GJD3: variants seen among roughly 807,000 people sequenced by gnomAD.
The protein encoded by GJD3 is gap junction protein delta 3, also known as gap junction delta-3 protein.
For missense variants in GJD3, 421 were observed against 448.5 expected, an observed-to-expected ratio of 0.94 and a Z score of 0.55; for synonymous variants, 217 against 226.7, an observed-to-expected ratio of 0.96 and a Z score of 0.38.
chr17:40,363,169 C>A lies in GJD3; in HGVS notation c.647G>T (p.Gly216Val). Residue 216 changes from glycine to valine, a missense_variant, in exon 1 of 1, where the codon GGC becomes GTC. By Grantham distance (109) the Gly-to-Val change is moderately radical. Coordinates refer to ENST00000578689, the MANE Select transcript of GJD3 (RefSeq NM_152219.4). This position sits in a 1 kb window ranked among gnomAD's most constrained non-coding sequence, Gnocchi z 5.5. Reference sequence around the variant, plus strand: ...GTCACGCTCCCCGGCGCGCGGGCGGCCCTTCCAGAGCAGGTGGCCCAGCTC... The same window carrying A: ...GTCACGCTCCCCGGCGCGCGGGCGGACCTTCCAGAGCAGGTGGCCCAGCTC... Reference protein sequence around the residue: ...VAELGHLLWKGRPRAGERDNR... With the variant: ...VAELGHLLWKVRPRAGERDNR... 1 of 1,427,232 alleles carries A rather than the reference C, an allele frequency of 7.0e-7. No homozygotes were observed. Among genetic ancestry groups the A allele is most frequent in the East Asian group, 3.0e-5 (1 of 32,906 alleles). The allele number at this position is 1,427,232 out of a possible 1,614,324, so 88.4% of individuals were successfully genotyped here.
Position 40,363,217 on chromosome 17 carries a change from A to T in GJD3, c.599T>A (p.Leu200Gln). ...CTCGGCTACGCTGAGCAGCGCCGACAGCAGCCCCACCGCGAAATAGAAGAG... is the reference window on the plus strand; with the variant it reads ...CTCGGCTACGCTGAGCAGCGCCGACTGCAGCCCCACCGCGAAATAGAAGAG... ...FVLFYFAVGL[L>Q]SALLSVAELG... The change falls in exon 1 of 1, where the codon CTG becomes CAG. Residue 200 changes from leucine to glutamine, a missense_variant. By Grantham distance (113) the Leu-to-Gln change is moderately radical. Transcript: ENST00000578689. The surrounding 1 kb of genome is among the most constrained non-coding windows in gnomAD (Gnocchi z 5.5). 1 of 1,447,156 alleles carries T rather than the reference A, an allele frequency of 6.9e-7. No homozygotes were observed. The highest frequency in any genetic ancestry group is 9.1e-7 in the Non-Finnish European group (1 of 1,098,556). 89.6% of individuals were successfully genotyped at this position (1,447,156 alleles called of 1,614,324 possible). A position where few individuals can be genotyped will look rare whatever the true frequency, so the allele number is the denominator to read the frequency against.
At position 40,364,204 on chromosome 17, in the gene GJD3, C is replaced by T; in HGVS notation, c.-389G>A. The T allele has an allele frequency of 5.1e-6, 1 of 197,760 alleles. No homozygotes were observed. The highest frequency in any genetic ancestry group is 1.2e-5 in the Non-Finnish European group (1 of 86,570). 12.3% of individuals were successfully genotyped at this position (197,760 alleles called of 1,614,324 possible). ...CCTGGTTTCGGAAGCGGAAACCCAG[C>T]GGTGCCCTTAGCTGTCAAGGATGCT... On this transcript the variant is annotated 5_prime_UTR_variant, in exon 1 of 1. Coordinates refer to ENST00000578689, the MANE Select transcript of GJD3 (RefSeq NM_152219.4).
At position 40,362,961 on chromosome 17, in the gene GJD3, C is replaced by T; in HGVS notation, c.855G>A (p.Pro285=). The T allele has an allele frequency of 1.6e-6, 2 of 1,244,156 alleles. No individual in the cohort carries two copies. The highest frequency in any genetic ancestry group is 3.4e-5 in the East Asian group (1 of 29,066). The allele number at this position is 1,244,156 out of a possible 1,614,324, so 77.1% of individuals were successfully genotyped here. A position where few individuals can be genotyped will look rare whatever the true frequency, so the allele number is the denominator to read the frequency against. ...TGGCCAGATCTCGGCGGCCGGTGGC[C>T]GGTGACGCCTTGCCGCGGCCGCTGC... is the stretch of plus-strand genomic sequence containing the variant. ...ECGSGRGKAS[P]ATGRRDLAI The change falls in exon 1 of 1, where the codon CCG becomes CCA. Residue 285 remains proline (P), a synonymous_variant. Coordinates refer to ENST00000578689, the MANE Select transcript of GJD3 (RefSeq NM_152219.4).
In GJD3 at chr17:40,363,012, CG is replaced by C. The variant is rs1425363191; in HGVS notation, c.803del (p.Pro268ArgfsTer148). 2 of 1,211,026 alleles carry C rather than the reference CG, an allele frequency of 1.7e-6. No individual in the cohort carries two copies. Among genetic ancestry groups the C allele is most frequent in the African/African-American group, 3.2e-5 (2 of 62,876 alleles). 75.0% of individuals were successfully genotyped at this position (1,211,026 alleles called of 1,614,324 possible). A position where few individuals can be genotyped will look rare whatever the true frequency, so the allele number is the denominator to read the frequency against. ...CGCACTCGCGGAGGCTGGCCGGCGC[CG>C]GGTGCGCATAGGCCGGCGGGGCGCA... ...EPCAPPAYAH[P>X]APASLRECGS... is the part of the protein sequence containing the mutation. On this transcript the variant is annotated frameshift_variant, in exon 1 of 1. Coordinates refer to ENST00000578689, the MANE Select transcript of GJD3 (RefSeq NM_152219.4). LOFTEE classifies it low-confidence loss of function (END_TRUNC). The surrounding 1 kb of genome is among the most constrained non-coding windows in gnomAD (Gnocchi z 5.5).
rs747155274 is a variant in GJD3, at chr17:40,362,533, T to G, written c.*398A>C. Among the ~76,000 whole-genome samples, 12 of 152,164 alleles carry G rather than the reference T, an allele frequency of 7.9e-5. No individual in the cohort carries two copies. Among genetic ancestry groups the G allele is most frequent in the Non-Finnish European group, 1.6e-4 (11 of 67,998 alleles). ...CAGAGAGCCCACAGGGGGACCACTC[T>G]CTCTCTGAACACAGAGAGTGCCTGA... On this transcript the variant is annotated 3_prime_UTR_variant, in exon 1 of 1. Coordinates refer to ENST00000578689, the MANE Select transcript of GJD3 (RefSeq NM_152219.4).
At position 40,363,223 on chromosome 17, in the gene GJD3, C is replaced by T. The variant is rs1214436612; in HGVS notation, c.593G>A (p.Gly198Glu). 5.5e-6 allele frequency: 8 copies of T among 1,446,690 alleles called. No homozygotes were observed. Among genetic ancestry groups the T allele is most frequent in the Admixed American group, 4.8e-5 (2 of 41,786 alleles). 89.6% of individuals were successfully genotyped at this position (1,446,690 alleles called of 1,614,324 possible). ...TACGCTGAGCAGCGCCGACAGCAGCCCCACCGCGAAATAGAAGAGCACGAA... is the reference window on the plus strand; with the variant it reads ...TACGCTGAGCAGCGCCGACAGCAGCTCCACCGCGAAATAGAAGAGCACGAA... ...TVFVLFYFAV[G>E]LLSALLSVAE... Residue 198 changes from glycine to glutamate, a missense_variant, in exon 1 of 1, where the codon GGG becomes GAG. Transcript: ENST00000578689. This position sits in a 1 kb window ranked among gnomAD's most constrained non-coding sequence, Gnocchi z 5.5.
In GJD3 at chr17:40,362,732, C is replaced by T. The variant is rs957234851; in HGVS notation, c.*199G>A. Among the ~76,000 whole-genome samples the T allele has an allele frequency of 6.6e-6, 1 of 152,256 alleles. No homozygotes were observed. Among genetic ancestry groups the T allele is most frequent in the Non-Finnish European group, 1.5e-5 (1 of 68,038 alleles). ...CATTCTCCGCCCCCAGCCCGGCCTG[C>T]CCCAGGTGCCGCCGGCAGCCACTGG... On this transcript the variant is annotated 3_prime_UTR_variant, in exon 1 of 1. Coordinates refer to ENST00000578689, the MANE Select transcript of GJD3 (RefSeq NM_152219.4).
At position 40,363,712 on chromosome 17, in the gene GJD3, A is replaced by C; in HGVS notation, c.104T>G (p.Leu35Arg). The change falls in exon 1 of 1, where the codon CTG (leucine) becomes CGG (arginine). Residue 35 changes from leucine (L) to arginine (R), a missense_variant. Coordinates refer to ENST00000578689, the MANE Select transcript of GJD3 (RefSeq NM_152219.4). This position sits in a 1 kb window ranked among gnomAD's most constrained non-coding sequence, Gnocchi z 5.5. ...WLVVMLIFRI[L>R]VLATVGGAVF... ...GGCGCCGCCCACCGTGGCCAGCACC[A>C]GGATGCGGAAGATCAGCATGACCAC... 2.5e-6 allele frequency: 4 copies of C among 1,610,360 alleles called. No individual in the cohort carries two copies. Among genetic ancestry groups the C allele is most frequent in the Non-Finnish European group, 3.4e-6 (4 of 1,179,362 alleles).
Position 40,363,438 on chromosome 17 carries a change from G to T in GJD3, c.378C>A (p.Ala126=). The T allele has an allele frequency of 7.6e-7, 1 of 1,321,084 alleles. No homozygotes were observed. The highest frequency in any genetic ancestry group is 9.6e-7 in the Non-Finnish European group (1 of 1,039,992). The allele number at this position is 1,321,084 out of a possible 1,614,324, so 81.8% of individuals were successfully genotyped here. A position where few individuals can be genotyped will look rare whatever the true frequency, so the allele number is the denominator to read the frequency against. The part of the protein sequence containing the change: ...GLPEAQCAPC[A]LRARRARRCY... ...AGCGGCGCGCGCGGCGGGCGCGCAG[G>T]GCGCACGGCGCGCACTGGGCCTCGG... Residue 126 remains alanine (A), a synonymous_variant, in exon 1 of 1, where the codon GCC becomes GCA. Transcript: ENST00000578689. This position sits in a 1 kb window ranked among gnomAD's most constrained non-coding sequence, Gnocchi z 5.5.
chr17:40,361,497 G>A lies in GJD3; in HGVS notation c.*1434C>T, dbSNP rs1422243726. 2.0e-5 allele frequency among the ~76,000 whole-genome samples: 3 copies of A among 152,208 alleles called. No homozygotes were observed. Among genetic ancestry groups the A allele is most frequent in the Non-Finnish European group, 2.9e-5 (2 of 68,038 alleles). ...CAGAAGGACAGGGTGGGGTGATGGC[G>A]GGGAACGCACAGCCTGGTAGGCAGG... On this transcript the variant is annotated 3_prime_UTR_variant, in exon 1 of 1. Coordinates refer to ENST00000578689, the MANE Select transcript of GJD3 (RefSeq NM_152219.4).
chr17:40,360,936 G>T lies in GJD3; in HGVS notation c.*1995C>A, dbSNP rs1384043009. 4 of 452,050 alleles carry T rather than the reference G, an allele frequency of 8.8e-6. No homozygotes were observed. Among genetic ancestry groups the T allele is most frequent in the South Asian group, 6.3e-5 (4 of 63,860 alleles). The allele number at this position is 452,050 out of a possible 1,614,324, so 28.0% of individuals were successfully genotyped here. A position where few individuals can be genotyped will look rare whatever the true frequency, so the allele number is the denominator to read the frequency against. On this transcript the variant is annotated 3_prime_UTR_variant, in exon 1 of 1. Coordinates refer to ENST00000578689, the MANE Select transcript of GJD3 (RefSeq NM_152219.4). ...TCGGGCATGGCAGTGGTGTAGGCCT[G>T]GGGACACCTTCAGTTTCTCATCCAA...
chr17:40,363,546 C>CA lies in GJD3; in HGVS notation c.269dup (p.Leu91AlafsTer18), dbSNP rs752593962. ...GGTGCATGGAGTAGACGACGAACAGCACCGGGGGCGCCGAGAGCAGCAGGA... is the reference window on the plus strand; with the variant it reads ...GGTGCATGGAGTAGACGACGAACAGCAACCGGGGGCGCCGAGAGCAGCAGGA... On this transcript the variant is annotated frameshift_variant, in exon 1 of 1. Coordinates refer to ENST00000578689, the MANE Select transcript of GJD3 (RefSeq NM_152219.4). LOFTEE classifies it low-confidence loss of function (END_TRUNC). This position sits in a 1 kb window ranked among gnomAD's most constrained non-coding sequence, Gnocchi z 5.5. 6.3e-6 allele frequency: 10 copies of CA among 1,576,650 alleles called. No individual in the cohort carries two copies. The East Asian group carries it at 2.3e-4, about 37-fold the overall frequency.
chr17:40,362,822 G>GC lies in GJD3; in HGVS notation c.*108dup. 1 of 1,071,352 alleles carries GC rather than the reference G, an allele frequency of 9.3e-7. No individual in the cohort carries two copies. Among genetic ancestry groups the GC allele is most frequent in the Non-Finnish European group, 1.1e-6 (1 of 884,750 alleles). 66.4% of individuals were successfully genotyped at this position (1,071,352 alleles called of 1,614,324 possible). ...TCCCCACAACGCGTCTCCTGCCGGG[G>GC]CAGGTCCCGCGACAGCTCTGGTGGA... On this transcript the variant is annotated 3_prime_UTR_variant, in exon 1 of 1. Transcript: ENST00000578689.
At position 40,364,165 on chromosome 17, in the gene GJD3, C is replaced by T; in HGVS notation, c.-350G>A. On this transcript the variant is annotated 5_prime_UTR_variant, in exon 1 of 1. Coordinates refer to ENST00000578689, the MANE Select transcript of GJD3 (RefSeq NM_152219.4). ...GAAGGACCTTGGAGATCAGCTGGAC[C>T]AGCCCCTGACTTGCCTGGTTTCGGA... 1 of 227,052 alleles carries T rather than the reference C, an allele frequency of 4.4e-6. No homozygotes were observed. Among genetic ancestry groups the T allele is most frequent in the Admixed American group, 5.3e-5 (1 of 18,702 alleles). 14.1% of individuals were successfully genotyped at this position (227,052 alleles called of 1,614,324 possible). A position where few individuals can be genotyped will look rare whatever the true frequency, so the allele number is the denominator to read the frequency against.
rs1268596541 is a variant in GJD3, at chr17:40,362,163, C to T, written c.*768G>A. On this transcript the variant is annotated 3_prime_UTR_variant, in exon 1 of 1. Transcript: ENST00000578689. ...GCATATCAGAGATCACACACACACG[C>T]GTGCACACACAGAGGTCACGCCGGA... is the stretch of plus-strand genomic sequence containing the variant. 1.3e-5 allele frequency among the ~76,000 whole-genome samples: 2 copies of T among 152,254 alleles called. No homozygotes were observed. Among genetic ancestry groups the T allele is most frequent in the East Asian group, 3.9e-4 (2 of 5,166 alleles).
At position 40,364,051 on chromosome 17, in the gene GJD3, G is replaced by A. The variant is rs907974676; in HGVS notation, c.-236C>T. Reference sequence around the variant, plus strand: ...TACCTTCTCTTTGGGACCGATGGGTGCTGGGGAGGATCCCCCATTTGCATT... The same window carrying A: ...TACCTTCTCTTTGGGACCGATGGGTACTGGGGAGGATCCCCCATTTGCATT... On this transcript the variant is annotated 5_prime_UTR_variant, in exon 1 of 1. Coordinates refer to ENST00000578689, the MANE Select transcript of GJD3 (RefSeq NM_152219.4). 3.8e-6 allele frequency: 2 copies of A among 528,890 alleles called. No individual in the cohort carries two copies. The highest frequency in any genetic ancestry group is 2.7e-5 in the South Asian group (1 of 37,028). The allele number at this position is 528,890 out of a possible 1,614,324, so 32.8% of individuals were successfully genotyped here.
In GJD3 at chr17:40,363,361, C is replaced by T. The variant is rs539030464; in HGVS notation, c.455G>A (p.Gly152Asp). The T allele has an allele frequency of 1.4e-6, 2 of 1,407,512 alleles. No homozygotes were observed. The highest frequency in any genetic ancestry group is 1.5e-5 in the South Asian group (1 of 68,020). 87.2% of individuals were successfully genotyped at this position (1,407,512 alleles called of 1,614,324 possible). The part of the protein sequence containing the change: ...LRLLAELTFL[G>D]GQALLYGFRV... ...GAAGCCGTAGAGCAGCGCCTGGCCG[C>T]CCAGGAAGGTCAGCTCGGCCAGCAG... The change falls in exon 1 of 1, where the codon GGC becomes GAC. Residue 152 changes from glycine to aspartate, a missense_variant. Gly to Asp is a moderately conservative substitution (Grantham distance 94, BLOSUM62 -1). Transcript: ENST00000578689. The surrounding 1 kb of genome is among the most constrained non-coding windows in gnomAD (Gnocchi z 5.5).
rs1362945157 is a variant in GJD3, at chr17:40,362,359, C to T, written c.*572G>A. Among the ~76,000 whole-genome samples the T allele has an allele frequency of 6.6e-6, 1 of 152,146 alleles. No individual in the cohort carries two copies. The highest frequency in any genetic ancestry group is 1.5e-5 in the Non-Finnish European group (1 of 68,010). ...TGTTTCTGTGTGCATGTGCACACAG[C>T]TCACCCGGGAGGGTTACGTGTGTCT... On this transcript the variant is annotated 3_prime_UTR_variant, in exon 1 of 1. Coordinates refer to ENST00000578689, the MANE Select transcript of GJD3 (RefSeq NM_152219.4).
At position 40,363,317 on chromosome 17, in the gene GJD3, C is replaced by T. The variant is rs1275711947; in HGVS notation, c.499G>A (p.Ala167Thr). ...LYGFRVAPHF[A>T]CAGPPCPHTV... Reference sequence around the variant, plus strand: ...TGCGGGCAGGGCGGACCGGCGCACGCGAAGTGCGGGGCCACGCGGAAGCCG... The same window carrying T: ...TGCGGGCAGGGCGGACCGGCGCACGTGAAGTGCGGGGCCACGCGGAAGCCG... The change falls in exon 1 of 1, where the codon GCG becomes ACG. Residue 167 changes from alanine to threonine, a missense_variant. Ala to Thr is a moderately conservative substitution (Grantham distance 58). Coordinates refer to ENST00000578689, the MANE Select transcript of GJD3 (RefSeq NM_152219.4). This position sits in a 1 kb window ranked among gnomAD's most constrained non-coding sequence, Gnocchi z 5.5. 3 of 1,407,014 alleles carry T rather than the reference C, an allele frequency of 2.1e-6. No homozygotes were observed. Among genetic ancestry groups the T allele is most frequent in the South Asian group, 1.4e-5 (1 of 70,084 alleles). 87.2% of individuals were successfully genotyped at this position (1,407,014 alleles called of 1,614,324 possible).
Sources: gnomAD v4.1 joint callset for allele counts (sites outside exome capture counted in the v4.1 genomes callset) on GRCh38, gnomAD v4.1.1 for gene constraint, Gnocchi (gnomAD v3.1) non-coding constraint, MANE v1.5 for transcripts, NCBI Gene and HGNC (gene_info 2026-07-23, HGNC 2026-07-21) for gene names.